Variants in IL17B observed in about 807,000 individuals in gnomAD.
The protein encoded by IL17B is interleukin-17B.
A neutral mutation model predicts 14.7 loss-of-function variants in IL17B; 14 were observed. The ratio of observed to expected loss-of-function variants is 0.95; its 90% CI spans 0.63 to 1.49. IL17B has a LOEUF of 1.49. Ranked by LOEUF, IL17B falls within the 40% of genes most tolerant of loss-of-function variation. The pLI, the probability that IL17B is intolerant of heterozygous loss-of-function variation, is 0.00. For missense variants in IL17B, 233 were observed against 252.8 expected, an observed-to-expected ratio of 0.92 and a Z score of 0.53; for synonymous variants, 105 against 94.8, an observed-to-expected ratio of 1.11 and a Z score of -0.62.
chr5:149,399,847 G>A (rs924404859), intron 1 of IL17B, among the ~76,000 whole-genome samples: 1 of 152,222 alleles, frequency 6.6e-6, no homozygotes, highest in Non-Finnish European at 1.5e-5. Flanking sequence ...GACAGAGGAT[G>A]TTGGATTTAG....
At chr5:149,383,808 C>T (rs962290776), upstream of IL17B, among the ~76,000 whole-genome samples, 1 of 152,328 alleles carries the variant, frequency 6.6e-6, no homozygotes, top group Middle Eastern at 3.4e-3. Flanking sequence ...CAGGTGCCAG[C>T]GTCTCCTCCC....
At chr5:149,378,323 TCA>T (rs1269318301) in intron 1 of IL17B, among the ~76,000 whole-genome samples, 1 of 151,678 alleles carries the variant, frequency 6.6e-6, no homozygotes, top group African/African-American at 2.4e-5. Flanking sequence ...CAAGCCCTCC[TCA>T]CACACACACA....
intron 1 of IL17B, among the ~76,000 whole-genome samples, chr5:149,393,068 T>A (rs912485690): frequency 5.3e-5 from 8 of 152,118 alleles, no homozygotes; most frequent in Non-Finnish European, 8.8e-5. Flanking sequence ...TGTCTGCGTG[T>A]GTGAGATTGT....
At chr5:149,379,741 C>T (rs771245794), upstream of IL17B, among the ~76,000 whole-genome samples, 5 of 152,170 alleles carry the variant, frequency 3.3e-5, no homozygotes, top group African/African-American at 7.2e-5. Flanking sequence ...CAGCCTCTGC[C>T]GGCCTCAGGT....
chr5:149,402,681 C>A (rs1304553136), intron 1 of IL17B, among the ~76,000 whole-genome samples: 3 of 141,460 alleles, frequency 2.1e-5, no homozygotes, highest in Non-Finnish European at 4.5e-5. Flanking sequence ...TCTTTAATAC[C>A]ATGCTTTTAA....
chr5:149,377,960 T>G (rs1044446013), intron 1 of IL17B, among the ~76,000 whole-genome samples: 3 of 151,808 alleles, frequency 2.0e-5, no homozygotes, highest in African/African-American at 4.8e-5. Context: ...TGGCTAACAC[T>G]GTGAAACCCC....
chr5:149,401,487 C>T (rs1759205034), intron 1 of IL17B, among the ~76,000 whole-genome samples: 1 of 152,078 alleles, frequency 6.6e-6, no homozygotes, highest in South Asian at 2.1e-4. Context: ...GGTGGATCAC[C>T]TGAGGTCAGG....
At chr5:149,388,531 T>G (rs1758873071) in intron 1 of IL17B, among the ~76,000 whole-genome samples, 1 of 152,210 alleles carries the variant, frequency 6.6e-6, no homozygotes, top group African/African-American at 2.4e-5. Context: ...TCTCCCTGCT[T>G]CTTCCATCTG....
intron 1 of IL17B, among the ~76,000 whole-genome samples, chr5:149,391,724 G>T: frequency 6.6e-6 from 1 of 152,324 alleles, no homozygotes; most frequent in East Asian, 1.9e-4. Context: ...TGTCAGTGGA[G>T]GAGGGTGATT....
chr5:149,374,778 T>A lies in IL17B; in HGVS notation c.312-178A>T. Reference sequence around the variant, plus strand: ...TTCCACGTGAGGAAACTGAAGATCATGGAAGGCAAGTCGAGAGCCCCAAGG... The same window carrying A: ...TTCCACGTGAGGAAACTGAAGATCAAGGAAGGCAAGTCGAGAGCCCCAAGG... On this transcript the variant is annotated intron_variant, in intron 2 of 2. Coordinates refer to ENST00000261796, the MANE Select transcript of IL17B (RefSeq NM_014443.3). This position sits in a 1 kb window ranked among gnomAD's most constrained non-coding sequence, Gnocchi z 5.0. The A allele has an allele frequency of 1.7e-6, 1 of 579,726 alleles. No individual in the cohort carries two copies. Among genetic ancestry groups the A allele is most frequent in the Non-Finnish European group, 3.0e-6 (1 of 329,742 alleles). The allele number at this position is 579,726 out of a possible 1,614,324, so 35.9% of individuals were successfully genotyped here. A position where few individuals can be genotyped will look rare whatever the true frequency, so the allele number is the denominator to read the frequency against.
chr5:149,392,936 G>GTGCGTGTGTGCA (rs146373224), intron 1 of IL17B, among the ~76,000 whole-genome samples: 2,345 of 139,388 alleles, frequency 0.017, 48 homozygotes, highest in East Asian at 0.097. Flanking sequence ...GTGTGTGTAC[G>GTGCGTGTGTGCA]TGCGTGTGTG....
chr5:149,403,230 A>G (rs1227225750), intron 1 of IL17B, among the ~76,000 whole-genome samples: 1 of 151,778 alleles, frequency 6.6e-6, no homozygotes, highest in African/African-American at 2.4e-5. Context: ...GATTACAGGC[A>G]CAGTCCACCA....
intron 1 of IL17B, among the ~76,000 whole-genome samples, chr5:149,378,523 A>G (rs749193423): frequency 1.3e-5 from 2 of 152,212 alleles, no homozygotes; most frequent in Non-Finnish European, 2.9e-5. Context: ...TTAAATTGAG[A>G]TAGGCTCCAT....
chr5:149,379,070 TGG>T, intron 1 of IL17B, 133 bp downstream of exon 1: 1 of 1,051,582 alleles, frequency 9.5e-7, no homozygotes, highest in Non-Finnish European at 1.4e-6. Flanking sequence ...TTTCTAGTCC[TGG>T]GGGAGAAGAC....
chr5:149,375,889 T>TA (rs1183286042), intron 2 of IL17B, among the ~76,000 whole-genome samples: 1 of 151,940 alleles, frequency 6.6e-6, no homozygotes, highest in Non-Finnish European at 1.5e-5. Context: ...AAACAAAAAA[T>TA]AAAAAAATTA....
intron 1 of IL17B, among the ~76,000 whole-genome samples, chr5:149,388,956 C>T (rs1758884492): frequency 6.6e-6 from 1 of 152,228 alleles, no homozygotes; most frequent in African/African-American, 2.4e-5. Flanking sequence ...AAAGTACTGA[C>T]TTCACAGGTT....
At chr5:149,390,587 GCACACA>G (rs56268721) in intron 1 of IL17B, among the ~76,000 whole-genome samples, 5,376 of 114,884 alleles carry the variant, frequency 0.047, 159 homozygotes, top group Admixed American at 0.097. Context: ...CCCTGAGTTA[GCACACA>G]CACACACACA....
chr5:149,382,669 A>G (rs1109466), upstream of IL17B, among the ~76,000 whole-genome samples: 28,552 of 152,128 alleles, frequency 0.19, 3,233 homozygotes, highest in Middle Eastern at 0.39. Flanking sequence ...GAGTAAGGAG[A>G]GGGGCGGCAG....
intron 1 of IL17B, among the ~76,000 whole-genome samples, chr5:149,399,157 C>T (rs1303574234): frequency 6.6e-6 from 1 of 152,164 alleles, no homozygotes. Context: ...ATGGGAGCTA[C>T]AAGACGAGAT....
Sources: gnomAD v4.1 joint callset for allele counts (sites outside exome capture counted in the v4.1 genomes callset) on GRCh38, gnomAD v4.1.1 for gene constraint, Gnocchi (gnomAD v3.1) non-coding constraint, MANE v1.5 for transcripts, NCBI Gene and HGNC (gene_info 2026-07-23, HGNC 2026-07-21) for gene names.